TCF7L1: variants seen among roughly 807,000 people sequenced by gnomAD.
TCF7L1 encodes the protein transcription factor 7-like 1.
Under a neutral mutation model 63.7 loss-of-function variants are expected in TCF7L1, and 18 were observed. The ratio of observed to expected loss-of-function variants is 0.28; its 90% CI spans 0.20 to 0.42. The LOEUF (loss-of-function observed/expected upper bound fraction) is 0.42, where lower values mean the gene tolerates loss of function less well. Ranked by LOEUF, TCF7L1 falls within the 10% of genes least tolerant of loss-of-function variation. The pLI, the probability that TCF7L1 is intolerant of heterozygous loss-of-function variation, is 1.00. For synonymous variants in TCF7L1, 355 were observed against 340.9 expected, an observed-to-expected ratio of 1.04 and a Z score of -0.46; for missense variants, 654 against 779.3, an observed-to-expected ratio of 0.84 and a Z score of 1.91.
rs1573038281 is a variant in TCF7L1 at position 85,309,692 on chromosome 2, C to T, written c.*230C>T. 2.6e-5 allele frequency: 12 copies of T among 462,286 alleles called. No individual in the cohort carries two copies. In the East Asian group the frequency reaches 4.0e-4, roughly 16 times the overall value. The allele number at this position is 462,286 out of a possible 1,614,324, so 28.6% of individuals were successfully genotyped here. A position where few individuals can be genotyped will look rare whatever the true frequency, so the allele number is the denominator to read the frequency against. ...AAAAAAATCTTTATAAGAAAGAGAA[C>T]TGAAAAGTAGCGTGCTATTCGTCCT... On this transcript the variant is annotated 3_prime_UTR_variant, in exon 12 of 12. Coordinates refer to ENST00000282111, the MANE Select transcript of TCF7L1 (RefSeq NM_031283.3).
chr2:85,288,793 C>A (rs1048250469), intron 4 of TCF7L1, among the ~76,000 whole-genome samples: 14 of 152,186 alleles, frequency 9.2e-5, no homozygotes, highest in African/African-American at 2.9e-4. Context: ...GTAATTTCAT[C>A]ACTTGCAGAT....
At chr2:85,221,110 A>G (rs1679831640) in intron 3 of TCF7L1, among the ~76,000 whole-genome samples, 1 of 152,226 alleles carries the variant, frequency 6.6e-6, no homozygotes, top group African/African-American at 2.4e-5. Flanking sequence ...GACGGAAAAG[A>G]TGAAATAATT....
chr2:85,142,114 A>G (rs1219776590), intron 3 of TCF7L1, among the ~76,000 whole-genome samples: 1 of 152,154 alleles, frequency 6.6e-6, no homozygotes, highest in African/African-American at 2.4e-5. Flanking sequence ...GCTGATGTTG[A>G]AGAGGGATAG....
At chr2:85,223,941 C>T (rs953120894) in intron 3 of TCF7L1, among the ~76,000 whole-genome samples, 1 of 152,152 alleles carries the variant, frequency 6.6e-6, no homozygotes, top group Non-Finnish European at 1.5e-5. Flanking sequence ...CTCCCCCAGC[C>T]CCCACTCCCC....
chr2:85,245,776 C>G (rs1680448902), intron 3 of TCF7L1, among the ~76,000 whole-genome samples: 1 of 151,428 alleles, frequency 6.6e-6, no homozygotes, highest in South Asian at 2.1e-4. Context: ...GATCGCACCA[C>G]TGCATTCCGG....
At chr2:85,144,763 G>GTGTA (rs1553393515) in intron 3 of TCF7L1, among the ~76,000 whole-genome samples, 4 of 151,222 alleles carry the variant, frequency 2.6e-5, no homozygotes, top group African/African-American at 9.7e-5. Flanking sequence ...GTGTGTGTGT[G>GTGTA]TGTATGTATG....
chr2:85,215,901 A>G (rs1397674878), intron 3 of TCF7L1, among the ~76,000 whole-genome samples: 1 of 152,196 alleles, frequency 6.6e-6, no homozygotes, highest in Admixed American at 6.5e-5. Flanking sequence ...CAGGCAGTGA[A>G]CAGCCAAGTT....
At chr2:85,191,658 C>T (rs993151649) in intron 3 of TCF7L1, among the ~76,000 whole-genome samples, 1 of 152,066 alleles carries the variant, frequency 6.6e-6, no homozygotes, top group African/African-American at 2.4e-5. Context: ...AACTCTGTCT[C>T]TACTAAAAAT....
At chr2:85,272,089 G>A (rs2104357302) in intron 3 of TCF7L1, among the ~76,000 whole-genome samples, 1 of 152,312 alleles carries the variant, frequency 6.6e-6, no homozygotes, top group South Asian at 2.1e-4. Flanking sequence ...CCTCCTGGGT[G>A]AGAACCTGCA....
chr2:85,271,346 C>T (rs897336870), intron 3 of TCF7L1, among the ~76,000 whole-genome samples: 2 of 152,152 alleles, frequency 1.3e-5, no homozygotes, highest in Non-Finnish European at 2.9e-5. Flanking sequence ...CTCCTGACCT[C>T]GTGATCCTCC....
rs1203524652 is a variant in TCF7L1, at chr2:85,134,666, G to A, written c.441+216G>A. On this transcript the variant is annotated intron_variant, in intron 3 of 11. Transcript: ENST00000282111. This position sits in a 1 kb window ranked among gnomAD's most constrained non-coding sequence, Gnocchi z 5.0. ...TTACTTTAACTTTTCCCCTCTTGCG[G>A]GTTGAGGTTTTGGAGTCCACCTCTG... 1.3e-5 allele frequency among the ~76,000 whole-genome samples: 2 copies of A among 152,246 alleles called. No homozygotes were observed. The highest frequency in any genetic ancestry group is 6.5e-5 in the Admixed American group (1 of 15,290).
intron 4 of TCF7L1, among the ~76,000 whole-genome samples, chr2:85,298,191 CAAA>C (rs759348807): frequency 2.2e-5 from 1 of 44,740 alleles, no homozygotes; most frequent in African/African-American, 1.4e-4. Context: ...GACTCCATCT[CAAA>C]AAAAAAAAAA....
intron 3 of TCF7L1, among the ~76,000 whole-genome samples, chr2:85,255,173 C>T (rs930908214): frequency 1.3e-5 from 2 of 152,152 alleles, no homozygotes; most frequent in Admixed American, 1.3e-4. Context: ...CACCTCTTGA[C>T]CCAGACTGCA....
chr2:85,270,426 G>C (rs962665284), intron 3 of TCF7L1, among the ~76,000 whole-genome samples: 6 of 152,116 alleles, frequency 3.9e-5, no homozygotes, highest in Non-Finnish European at 8.8e-5. Context: ...CTATGACCTG[G>C]TTTCTGCCCC....
chr2:85,301,321 C>T (rs1003509423), intron 4 of TCF7L1, among the ~76,000 whole-genome samples: 5 of 152,166 alleles, frequency 3.3e-5, no homozygotes, highest in Non-Finnish European at 7.3e-5. Flanking sequence ...TCTTTCTGGG[C>T]TGTTCCCTCA....
intron 4 of TCF7L1, among the ~76,000 whole-genome samples, chr2:85,288,570 A>G (rs1681615431): frequency 6.6e-6 from 1 of 152,326 alleles, no homozygotes; most frequent in African/African-American, 2.4e-5. Context: ...CCCTGGGAGT[A>G]GAGCAAGCGA....
At chr2:85,224,239 C>T (rs1477558398) in intron 3 of TCF7L1, among the ~76,000 whole-genome samples, 1 of 152,186 alleles carries the variant, frequency 6.6e-6, no homozygotes, top group Admixed American at 6.5e-5. Flanking sequence ...AATAGTGCCA[C>T]AGTAAACATA....
chr2:85,238,073 G>T (rs982828684), intron 3 of TCF7L1, among the ~76,000 whole-genome samples: 1 of 152,186 alleles, frequency 6.6e-6, no homozygotes, highest in Non-Finnish European at 1.5e-5. Flanking sequence ...AGTTGAAGCA[G>T]ATGATTATTA....
chr2:85,158,941 G>A (rs1678217379), intron 3 of TCF7L1, among the ~76,000 whole-genome samples: 2 of 152,110 alleles, frequency 1.3e-5, no homozygotes, highest in Admixed American at 6.5e-5. Context: ...ACTGAAGAAT[G>A]TGTCTTTAAA....
Sources: gnomAD v4.1 joint callset for allele counts (sites outside exome capture counted in the v4.1 genomes callset) on GRCh38, gnomAD v4.1.1 for gene constraint, Gnocchi (gnomAD v3.1) non-coding constraint, MANE v1.5 for transcripts, NCBI Gene and HGNC (gene_info 2026-07-23, HGNC 2026-07-21) for gene names.